PSEN1: variants seen among roughly 807,000 people sequenced by gnomAD.
PSEN1 encodes presenilin 1.
In PSEN1, 15 loss-of-function variants were observed where a neutral mutation model predicts 53.5. That is an observed-to-expected ratio of 0.28 (90% CI 0.19 to 0.43). PSEN1 has a LOEUF of 0.43. PSEN1 is among the 20% of genes least tolerant of loss of function. The pLI is 1.00. For synonymous variants in PSEN1, 208 were observed against 209.8 expected, an observed-to-expected ratio of 0.99 and a Z score of 0.08; for missense variants, 387 against 571.2, an observed-to-expected ratio of 0.68 and a Z score of 3.29.
intron 3 of PSEN1, among the ~76,000 whole-genome samples, chr14:73,163,872 G>A (rs1594986844): frequency 6.6e-6 from 1 of 152,188 alleles, no homozygotes; most frequent in East Asian, 1.9e-4. Flanking sequence ...TTATGAGCAT[G>A]ACAAGAAGCC....
At chr14:73,151,330 G>A (rs75266743) in intron 3 of PSEN1, among the ~76,000 whole-genome samples, 5,902 of 152,248 alleles carry the variant, frequency 0.039, 314 homozygotes, top group African/African-American at 0.11. Context: ...TAGTCTGTGT[G>A]CACTTGTGTG....
intron 3 of PSEN1, among the ~76,000 whole-genome samples, chr14:73,160,765 C>A (rs1343863630): frequency 1.4e-5 from 2 of 139,768 alleles, no homozygotes; most frequent in Non-Finnish European, 3.1e-5. Context: ...CTAAAAAAAT[C>A]TGATGATTTG....
In PSEN1 at chr14:73,211,848, C is replaced by G; in HGVS notation, c.1035C>G (p.Asp345Glu). 6.2e-7 allele frequency: 1 copy of G among 1,613,354 alleles called. No individual in the cohort carries two copies. The highest frequency in any genetic ancestry group is 8.5e-7 in the Non-Finnish European group (1 of 1,179,802). The change falls in exon 10 of 12, where the codon GAC becomes GAG. Residue 345 changes from aspartate (D) to glutamate (E), a missense_variant. Around this residue, in one of 4 missense-constraint regions of PSEN1, gnomAD observed 75 missense variants for 63.7 expected, o/e 1.18. Coordinates refer to ENST00000324501, the MANE Select transcript of PSEN1 (RefSeq NM_000021.4). ...GFSEEWEAQR[D>E]SHLGPHRSTP... ...GTGAGGAATGGGAAGCCCAGAGGGA[C>G]AGTCATCTAGGGCCTCATCGCTCTA...
At chr14:73,195,330 G>T (rs1239630050) in intron 7 of PSEN1, among the ~76,000 whole-genome samples, 2 of 151,882 alleles carry the variant, frequency 1.3e-5, no homozygotes, top group Non-Finnish European at 2.9e-5. Flanking sequence ...GCACCACCAC[G>T]CCCAGCTAAT....
intron 9 of PSEN1, among the ~76,000 whole-genome samples, chr14:73,211,350 G>A (rs1899670024): frequency 6.6e-6 from 1 of 151,984 alleles, no homozygotes. Context: ...GGGGTAGAAG[G>A]GGACTGTTTA....
At chr14:73,193,413 C>CA (rs1467742238) in intron 7 of PSEN1, among the ~76,000 whole-genome samples, 3 of 151,494 alleles carry the variant, frequency 2.0e-5, no homozygotes, top group African/African-American at 4.9e-5. Flanking sequence ...GGTGTGGTGG[C>CA]GTACCCTTGT....
chr14:73,144,623 ACT>A (rs1368392981), intron 1 of PSEN1, among the ~76,000 whole-genome samples: 2 of 152,186 alleles, frequency 1.3e-5, no homozygotes, highest in Non-Finnish European at 2.9e-5. Context: ...AAGCAAGTGA[ACT>A]TCTGTGTGCC....
chr14:73,202,895 A>G (rs760987526), intron 8 of PSEN1, among the ~76,000 whole-genome samples: 1 of 152,182 alleles, frequency 6.6e-6, no homozygotes, highest in Non-Finnish European at 1.5e-5. Context: ...CTATTTAATA[A>G]CCACAGAATA....
intron 10 of PSEN1, among the ~76,000 whole-genome samples, chr14:73,213,089 G>A (rs2140138023): frequency 6.6e-6 from 1 of 152,202 alleles, no homozygotes; most frequent in Admixed American, 6.5e-5. Flanking sequence ...TGACTTTACT[G>A]CTTGGCTGAG....
rs1900097578 is a variant in PSEN1, at chr14:73,220,488, T to C, written c.*1199T>C. ...TAGCCAAAAGCTGGTGGTTGATGAA[T>C]TATGAACTAGTTGTATCAACACAAA... On this transcript the variant is annotated 3_prime_UTR_variant, in exon 12 of 12. Coordinates refer to ENST00000324501, the MANE Select transcript of PSEN1 (RefSeq NM_000021.4). 2 of 152,492 alleles carry C rather than the reference T, an allele frequency of 1.3e-5. No individual in the cohort carries two copies. The highest frequency in any genetic ancestry group is 6.5e-5 in the Admixed American group (1 of 15,280). 9.4% of individuals were successfully genotyped at this position (152,492 alleles called of 1,614,324 possible).
chr14:73,211,184 G>C (rs974764835), intron 9 of PSEN1, among the ~76,000 whole-genome samples: 1 of 152,238 alleles, frequency 6.6e-6, no homozygotes, highest in African/African-American at 2.4e-5. Context: ...TTTGAAATTT[G>C]TAGGGTTGGT....
At chr14:73,198,390 G>C (rs1899044322) in intron 8 of PSEN1, among the ~76,000 whole-genome samples, 3 of 152,156 alleles carry the variant, frequency 2.0e-5, no homozygotes, top group Admixed American at 2.0e-4. Flanking sequence ...AAACCTGTTA[G>C]GAGTTGTTGA....
intron 6 of PSEN1, among the ~76,000 whole-genome samples, chr14:73,190,162 GA>G (rs1157031169): frequency 2.6e-5 from 4 of 152,212 alleles, no homozygotes; most frequent in Non-Finnish European, 2.9e-5. Flanking sequence ...TGACAGCTTA[GA>G]GGGGTAAAAA....
At chr14:73,202,905 A>G (rs2140117677) in intron 8 of PSEN1, among the ~76,000 whole-genome samples, 1 of 152,328 alleles carries the variant, frequency 6.6e-6, no homozygotes, top group Non-Finnish European at 1.5e-5. Context: ...ACCACAGAAT[A>G]TGAGACATTC....
At chr14:73,181,747 A>C (rs1566634839) in intron 5 of PSEN1, among the ~76,000 whole-genome samples, 3 of 152,200 alleles carry the variant, frequency 2.0e-5, no homozygotes, top group African/African-American at 7.2e-5. Flanking sequence ...GATAGAAAAC[A>C]TGTCTGAAAG....
At chr14:73,219,099 T>C in intron 11 of PSEN1, 35 bp from the exon 12 acceptor site, 2 of 1,607,356 alleles carry the variant, frequency 1.2e-6, no homozygotes, top group Non-Finnish European at 1.7e-6. Flanking sequence ...TTCATAATTA[T>C]GTGTGAATGT....
chr14:73,191,662 C>T (rs955090944), intron 6 of PSEN1, among the ~76,000 whole-genome samples: 13 of 151,984 alleles, frequency 8.6e-5, no homozygotes, highest in African/African-American at 2.7e-4. Context: ...TCTTCCTGCC[C>T]CAGCCTCCTG....
chr14:73,217,227 T>A lies in PSEN1; in HGVS notation c.1231T>A (p.Phe411Ile). The A allele has an allele frequency of 6.2e-7, 1 of 1,614,132 alleles. No homozygotes were observed. The change falls in exon 11 of 12, where the codon TTC becomes ATC. Residue 411 changes from phenylalanine (F) to isoleucine (I), a missense_variant. Physicochemically the swap from Phe to Ile is conservative, Grantham distance 21. This residue lies in a region of PSEN1 where 44 missense variants were observed against 106.3 expected (regional missense o/e 0.41). Coordinates refer to ENST00000324501, the MANE Select transcript of PSEN1 (RefSeq NM_000021.4). ...SGDWNTTIAC[F>I]VAILIGLCLT... is the part of the protein sequence containing the mutation. ...AGACTGGAACACAACCATAGCCTGT[T>A]TCGTAGCCATATTAATTGTAAGTAT...
Position 73,207,783 on chromosome 14 carries a change from C to T in PSEN1, c.955+1311C>T, listed in dbSNP as rs185742783. ...TTTCTCTACCAGCTGGACCCCATGC[C>T]TGCCAAAGGCAAGCCAGGCATGGAG... On this transcript the variant is annotated intron_variant, in intron 9 of 11. Coordinates refer to ENST00000324501, the MANE Select transcript of PSEN1 (RefSeq NM_000021.4). Among the ~76,000 whole-genome samples, 179 of 152,360 alleles carry T rather than the reference C, an allele frequency of 1.2e-3. 1 individual carries two copies. Among genetic ancestry groups the T allele is most frequent in the African/African-American group, 4.2e-3 (176 of 41,584 alleles).
Sources: gnomAD v4.1 joint callset for allele counts (sites outside exome capture counted in the v4.1 genomes callset) on GRCh38, gnomAD v4.1.1 for gene constraint, gnomAD v4.1.1 regional missense constraint, MANE v1.5 for transcripts, NCBI Gene and HGNC (gene_info 2026-07-23, HGNC 2026-07-21) for gene names.